The following TWSG1 variants were observed in gnomAD, a reference collection of about 807,000 sequenced individuals.
TWSG1 encodes the protein twisted gastrulation BMP signaling modulator 1, also known as twisted gastrulation protein homolog 1.
Under a neutral mutation model 23.0 loss-of-function variants are expected in TWSG1, and 15 were observed. That is an observed-to-expected ratio of 0.65 (90% CI 0.44 to 1.00). The LOEUF is 1.00. TWSG1 is among the 50% of genes least tolerant of loss of function. The pLI is 0.00. For synonymous variants in TWSG1, 86 were observed against 92.8 expected (o/e 0.93, Z 0.42); for missense variants, 242 against 278.7 (o/e 0.87, Z 0.94).
At chr18:9,366,061 A>G (rs2040577310) in intron 3 of TWSG1, among the ~76,000 whole-genome samples, 1 of 152,232 alleles carries the variant, frequency 6.6e-6, no homozygotes, top group Non-Finnish European at 1.5e-5. Flanking sequence ...CATGGCAAGC[A>G]TGAACTTTTT....
chr18:9,345,788 A>C (rs913486678), intron 2 of TWSG1, among the ~76,000 whole-genome samples: 3 of 152,158 alleles, frequency 2.0e-5, no homozygotes, highest in Admixed American at 2.0e-4. Context: ...TCTGTAATAA[A>C]GCCAGCTGGG....
chr18:9,335,349 C>T (rs2040418010), intron 1 of TWSG1, among the ~76,000 whole-genome samples: 2 of 152,202 alleles, frequency 1.3e-5, no homozygotes, highest in African/African-American at 4.8e-5. Context: ...GAAACTTGGG[C>T]GTGATGTATG....
intron 1 of TWSG1, among the ~76,000 whole-genome samples, chr18:9,336,626 A>G (rs2040424784): frequency 6.6e-6 from 1 of 152,122 alleles, no homozygotes; most frequent in Admixed American, 6.5e-5. Context: ...ATTATAATAC[A>G]ATATTAATAG....
intron 3 of TWSG1, among the ~76,000 whole-genome samples, chr18:9,363,504 A>G (rs530248652): frequency 3.3e-5 from 5 of 152,340 alleles, no homozygotes; most frequent in African/African-American, 9.6e-5. Flanking sequence ...TAGGTATTAC[A>G]AAGTAAATCA....
intron 2 of TWSG1, among the ~76,000 whole-genome samples, chr18:9,346,896 G>A (rs1220097087): frequency 2.0e-5 from 3 of 152,208 alleles, no homozygotes; most frequent in African/African-American, 7.2e-5. Context: ...AGTTTTGTAA[G>A]AAATTGCCAA....
At chr18:9,344,436 G>A (rs996969358) in intron 2 of TWSG1, among the ~76,000 whole-genome samples, 1 of 149,868 alleles carries the variant, frequency 6.7e-6, no homozygotes, top group African/African-American at 2.5e-5. Context: ...GTTATGATTT[G>A]CATTTCCCTA....
intron 3 of TWSG1, among the ~76,000 whole-genome samples, chr18:9,369,863 C>T (rs547475175): frequency 7.6e-4 from 116 of 152,234 alleles, no homozygotes; most frequent in African/African-American, 2.5e-3. Context: ...TTATATTAAC[C>T]GCTTATCAAA....
At chr18:9,387,415 G>A (rs1043990359) in intron 3 of TWSG1, among the ~76,000 whole-genome samples, 1 of 152,068 alleles carries the variant, frequency 6.6e-6, no homozygotes, top group African/African-American at 2.4e-5. Flanking sequence ...GTTCAGCAGT[G>A]GTCCAGAATA....
At chr18:9,368,500 C>G (rs559896456) in intron 3 of TWSG1, among the ~76,000 whole-genome samples, 46 of 151,916 alleles carry the variant, frequency 3.0e-4, no homozygotes, top group Non-Finnish European at 5.6e-4. Flanking sequence ...CACACCTGGC[C>G]ATTATTGTGG....
intron 3 of TWSG1, among the ~76,000 whole-genome samples, chr18:9,390,622 A>G (rs983540366): frequency 2.6e-5 from 4 of 152,144 alleles, no homozygotes; most frequent in Non-Finnish European, 4.4e-5. Flanking sequence ...ATATGGTAAC[A>G]CTGAAGTTTG....
intron 3 of TWSG1, among the ~76,000 whole-genome samples, chr18:9,393,110 G>A (rs2040719980): frequency 6.6e-6 from 1 of 152,212 alleles, no homozygotes; most frequent in South Asian, 2.1e-4. Flanking sequence ...GCCACAAAGT[G>A]AGCCCATGCT....
chr18:9,390,578 C>T (rs1300527257), intron 3 of TWSG1, among the ~76,000 whole-genome samples: 1 of 152,200 alleles, frequency 6.6e-6, no homozygotes. Flanking sequence ...AGATTACAGG[C>T]ATGAGCCATC....
In TWSG1 at chr18:9,396,392, T is replaced by G; in HGVS notation, c.336T>G (p.Thr112=). The change falls in exon 4 of 5, where the codon ACT becomes ACG. Residue 112 remains threonine, a synonymous_variant. Coordinates refer to ENST00000262120, the MANE Select transcript of TWSG1 (RefSeq NM_020648.6). ...SLFRALTEGD[T]QLNWNIVSFP... Reference sequence around the variant, plus strand: ...TCCGGGCACTCACAGAAGGAGATACTCAGTTGAATTGGAACATCGTTTCTT... The same window carrying G: ...TCCGGGCACTCACAGAAGGAGATACGCAGTTGAATTGGAACATCGTTTCTT... The G allele has an allele frequency of 6.2e-7, 1 of 1,614,164 alleles. No individual in the cohort carries two copies. The highest frequency in any genetic ancestry group is 8.5e-7 in the Non-Finnish European group (1 of 1,180,030).
intron 3 of TWSG1, 128 bp from the exon 4 acceptor site, chr18:9,396,152 A>C (rs1194626451): frequency 7.9e-6 from 4 of 503,640 alleles, no homozygotes; most frequent in Non-Finnish European, 6.1e-6. Flanking sequence ...CCCAGCAAAA[A>C]AAAAAAAAAA....
intron 4 of TWSG1, among the ~76,000 whole-genome samples, chr18:9,399,089 C>T (rs1351309370): frequency 4.6e-5 from 7 of 152,112 alleles, no homozygotes; most frequent in South Asian, 4.1e-4. Flanking sequence ...TCCAACTTTT[C>T]GATCAAAGCC....
At position 9,339,670 on chromosome 18, in the gene TWSG1, G is replaced by T. The variant is rs2040437448; in HGVS notation, c.123+2318G>T. 2.0e-5 allele frequency among the ~76,000 whole-genome samples: 3 copies of T among 151,822 alleles called. No individual in the cohort carries two copies. In the South Asian group the frequency reaches 6.2e-4, roughly 32 times the overall value. On this transcript the variant is annotated intron_variant, in intron 2 of 4. Coordinates refer to ENST00000262120, the MANE Select transcript of TWSG1 (RefSeq NM_020648.6). ...TTACAAAAATTAGCTGAGCATGGCG[G>T]TGCATGCTTGTAATCCCAGCTACTT...
At chr18:9,384,393 A>G (rs548212063) in intron 3 of TWSG1, among the ~76,000 whole-genome samples, 1 of 152,330 alleles carries the variant, frequency 6.6e-6, no homozygotes, top group East Asian at 1.9e-4. Flanking sequence ...AAATGGATCA[A>G]TGGATGAGTA....
At position 9,400,242 on chromosome 18, in the gene TWSG1, A is replaced by G. The variant is rs779000262; in HGVS notation, c.*715A>G. The G allele has an allele frequency of 2.0e-5, 3 of 152,196 alleles. No homozygotes were observed. The highest frequency in any genetic ancestry group is 4.4e-5 in the Non-Finnish European group (3 of 68,030). 9.4% of individuals were successfully genotyped at this position (152,196 alleles called of 1,614,324 possible). A position where few individuals can be genotyped will look rare whatever the true frequency, so the allele number is the denominator to read the frequency against. On this transcript the variant is annotated 3_prime_UTR_variant, in exon 5 of 5. Coordinates refer to ENST00000262120, the MANE Select transcript of TWSG1 (RefSeq NM_020648.6). ...GCAGTGATGAAGAATCTTTACCAAG[A>G]TTTTCAGGGTGTACCTATGAAATTG...
chr18:9,392,028 A>T (rs1484296232), intron 3 of TWSG1, among the ~76,000 whole-genome samples: 1 of 152,228 alleles, frequency 6.6e-6, no homozygotes, highest in African/African-American at 2.4e-5. Context: ...GGGTACAGGC[A>T]GGGTAGGTTT....
Sources: gnomAD v4.1 joint callset for allele counts (sites outside exome capture counted in the v4.1 genomes callset) on GRCh38, gnomAD v4.1.1 for gene constraint, MANE v1.5 for transcripts, NCBI Gene and HGNC (gene_info 2026-07-23, HGNC 2026-07-21) for gene names.